TMEM163: variants seen among roughly 807,000 people sequenced by gnomAD.
The protein encoded by TMEM163 is transmembrane protein 163.
In TMEM163, 17 loss-of-function variants were observed where a neutral mutation model predicts 29.3. The ratio of observed to expected loss-of-function variants is 0.58; its 90% confidence interval spans 0.40 to 0.87. The LOEUF (loss-of-function observed/expected upper bound fraction) is 0.87. TMEM163 is among the 40% of genes least tolerant of loss of function. TMEM163 has a pLI of 0.00. For missense variants in TMEM163, 303 were observed against 381.5 expected (o/e 0.79, Z 1.71); for synonymous variants, 157 against 160.6 (o/e 0.98, Z 0.17).
chr2:134,482,676 T>C (rs1415656189), intron 5 of TMEM163, among the ~76,000 whole-genome samples: 1 of 152,216 alleles, frequency 6.6e-6, no homozygotes, highest in Non-Finnish European at 1.5e-5. Context: ...TGAGAAAAGC[T>C]GGCAGATGTA....
At chr2:134,712,105 T>G (rs1424402205) in intron 2 of TMEM163, among the ~76,000 whole-genome samples, 1 of 152,244 alleles carries the variant, frequency 6.6e-6, no homozygotes, top group African/African-American at 2.4e-5. Flanking sequence ...ACGTTTATAC[T>G]CTGGAATGCA....
intron 2 of TMEM163, among the ~76,000 whole-genome samples, chr2:134,558,823 C>G (rs1368342450): frequency 6.6e-6 from 1 of 152,144 alleles, no homozygotes. Context: ...CAGCAATGCC[C>G]CCAGGCCCCG....
intron 4 of TMEM163, among the ~76,000 whole-genome samples, chr2:134,527,200 C>G (rs1680314445): frequency 6.6e-6 from 1 of 152,264 alleles, no homozygotes; most frequent in African/African-American, 2.4e-5. Context: ...TCTTCCATCT[C>G]CTTTCACTTG....
chr2:134,572,246 A>G (rs1459978358), intron 2 of TMEM163, among the ~76,000 whole-genome samples: 1 of 152,084 alleles, frequency 6.6e-6, no homozygotes, highest in Admixed American at 6.5e-5. Context: ...CACACCCCCA[A>G]CATCTTCCAA....
intron 4 of TMEM163, among the ~76,000 whole-genome samples, chr2:134,526,903 A>G (rs1399866008): frequency 1.3e-5 from 2 of 152,216 alleles, no homozygotes; most frequent in Non-Finnish European, 2.9e-5. Flanking sequence ...AAAACCTAAT[A>G]ATGAAAACTT....
At chr2:134,578,707 C>T (rs532277310) in intron 2 of TMEM163, among the ~76,000 whole-genome samples, 1 of 152,156 alleles carries the variant, frequency 6.6e-6, no homozygotes, top group Non-Finnish European at 1.5e-5. Flanking sequence ...CTCAGCAATT[C>T]AGATCATGTA....
At chr2:134,693,562 T>C (rs892571119) in intron 2 of TMEM163, among the ~76,000 whole-genome samples, 2 of 147,358 alleles carry the variant, frequency 1.4e-5, no homozygotes, top group African/African-American at 5.1e-5. Flanking sequence ...TGAGCCAAGA[T>C]TGCAACACTG....
intron 2 of TMEM163, among the ~76,000 whole-genome samples, chr2:134,572,345 G>A (rs538564331): frequency 1.3e-5 from 2 of 152,210 alleles, no homozygotes; most frequent in Non-Finnish European, 2.9e-5. Context: ...CCACAAATTC[G>A]CCATGGCAAC....
Position 134,620,799 on chromosome 2 carries a change from G to A in TMEM163, c.323-68708C>T, listed in dbSNP as rs544193222. Among the ~76,000 whole-genome samples the A allele has an allele frequency of 5.9e-5, 9 of 152,172 alleles. No homozygotes were observed. The East Asian group carries it at 1.2e-3, about 20-fold the overall frequency. ...AAAGAAAGAAAATTGAACTTAAACC[G>A]TTACCTCATATAATATACAAGAACT... On this transcript the variant is annotated intron_variant, in intron 2 of 7. Coordinates refer to ENST00000281924, the MANE Select transcript of TMEM163 (RefSeq NM_030923.5).
chr2:134,536,231 A>T (rs1030363408), intron 4 of TMEM163, among the ~76,000 whole-genome samples: 14 of 151,720 alleles, frequency 9.2e-5, no homozygotes, highest in Non-Finnish European at 1.8e-4. Flanking sequence ...CTAAAACACC[A>T]TTTTTTTTGC....
At chr2:134,688,229 C>T (rs1015376366) in intron 2 of TMEM163, among the ~76,000 whole-genome samples, 1 of 152,136 alleles carries the variant, frequency 6.6e-6, no homozygotes, top group East Asian at 1.9e-4. Flanking sequence ...TGCCTCGGCC[C>T]GAGCTGCAAG....
intron 2 of TMEM163, among the ~76,000 whole-genome samples, chr2:134,559,361 G>T (rs1349302920): frequency 6.6e-6 from 1 of 151,638 alleles, no homozygotes; most frequent in Non-Finnish European, 1.5e-5. Flanking sequence ...TATTCATTTT[G>T]CTGTATGGAC....
intron 5 of TMEM163, among the ~76,000 whole-genome samples, chr2:134,480,414 CT>C (rs369744144): frequency 7.4e-4 from 112 of 151,970 alleles, no homozygotes; most frequent in African/African-American, 2.6e-3. Context: ...GATCTTTCTT[CT>C]TTTTTTTAAT....
chr2:134,635,104 G>A (rs1683074780), intron 2 of TMEM163, among the ~76,000 whole-genome samples: 1 of 152,190 alleles, frequency 6.6e-6, no homozygotes, highest in South Asian at 2.1e-4. Context: ...ATATGAAAAG[G>A]TCTCATGGAA....
intron 2 of TMEM163, among the ~76,000 whole-genome samples, chr2:134,711,441 T>C (rs1412355170): frequency 3.3e-5 from 5 of 152,228 alleles, no homozygotes; most frequent in Non-Finnish European, 7.3e-5. Flanking sequence ...GAATGTACTA[T>C]AGATAACACA....
chr2:134,621,132 G>A (rs987227687), intron 2 of TMEM163, among the ~76,000 whole-genome samples: 4 of 152,062 alleles, frequency 2.6e-5, no homozygotes, highest in African/African-American at 7.2e-5. Flanking sequence ...TTCAATAAAA[G>A]GAGTAAAACA....
At chr2:134,715,180 T>C (rs1303429211) in intron 1 of TMEM163, among the ~76,000 whole-genome samples, 1 of 152,238 alleles carries the variant, frequency 6.6e-6, no homozygotes, top group African/African-American at 2.4e-5. Flanking sequence ...CTAAGAGGAA[T>C]GACAATGATG....
chr2:134,531,065 G>C (rs1288132062), intron 4 of TMEM163, among the ~76,000 whole-genome samples: 1 of 152,118 alleles, frequency 6.6e-6, no homozygotes, highest in Non-Finnish European at 1.5e-5. Context: ...GAGTAAGGGG[G>C]CTAACAGTTT....
chr2:134,485,593 G>T (rs991974929), intron 5 of TMEM163, among the ~76,000 whole-genome samples: 18 of 152,236 alleles, frequency 1.2e-4, no homozygotes, highest in African/African-American at 3.6e-4. Flanking sequence ...TTCTTCCTCC[G>T]GGAAACCTCG....
Sources: allele counts gnomAD v4.1 joint callset (sites outside exome capture counted in the v4.1 genomes callset), GRCh38; gene constraint gnomAD v4.1.1; transcripts MANE v1.5; gene names NCBI Gene and HGNC (gene_info 2026-07-23, HGNC 2026-07-21).